The following SARDH variants were observed in gnomAD, a reference collection of about 807,000 sequenced individuals.
SARDH encodes sarcosine dehydrogenase, also known as sarcosine dehydrogenase, mitochondrial.
A neutral mutation model predicts 109.1 loss-of-function variants in SARDH; 95 were observed. That is an observed-to-expected ratio of 0.87 (90% CI 0.74 to 1.03). The LOEUF (loss-of-function observed/expected upper bound fraction) is 1.03. Among genes scored for constraint, SARDH ranks in the 50% least tolerant of loss-of-function variants. The probability of loss-of-function intolerance (pLI) is 0.00; values close to 1 mark genes in which losing one functional copy is unlikely to be tolerated. For synonymous variants in SARDH, 572 were observed against 534.8 expected (o/e 1.07, Z -0.96); for missense variants, 1,267 against 1,287.8 (o/e 0.98, Z 0.25).
intron 6 of SARDH, 53 bp downstream of exon 6, chr9:133,729,712 C>T: frequency 6.6e-7 from 1 of 1,518,374 alleles, no homozygotes; most frequent in Non-Finnish European, 9.0e-7. Context: ...GATTCAGAGC[C>T]AGGTCTCTGT....
intron 11 of SARDH, among the ~76,000 whole-genome samples, chr9:133,705,592 G>T (rs1831666302): frequency 1.3e-5 from 2 of 148,262 alleles, no homozygotes; most frequent in South Asian, 4.3e-4. Flanking sequence ...TCCCCTATCT[G>T]CCCTCATCCT....
chr9:133,677,426 A>G (rs1830555330), intron 17 of SARDH, among the ~76,000 whole-genome samples: 1 of 152,110 alleles, frequency 6.6e-6, no homozygotes, highest in Admixed American at 6.5e-5. Context: ...TGAGGGTCGG[A>G]CCAGAGCAGA....
chr9:133,702,836 G>A, intron 13 of SARDH, 80 bp downstream of exon 13: 3 of 1,335,850 alleles, frequency 2.2e-6, no homozygotes, highest in South Asian at 1.2e-5. Context: ...CCCCTGCAGG[G>A]CCAGCCGAGG....
At chr9:133,719,188 A>C in intron 6 of SARDH, 146 bp from the exon 7 acceptor site, 1 of 640,446 alleles carries the variant, frequency 1.6e-6, no homozygotes, top group Non-Finnish European at 2.8e-6. Context: ...GACAGAGTGG[A>C]CACGGGGCCT....
At position 133,723,216 on chromosome 9, in the gene SARDH, A is replaced by G. The variant is rs139453798; in HGVS notation, c.916-4174T>C. On this transcript the variant is annotated intron_variant, in intron 6 of 20. Coordinates refer to ENST00000439388, the MANE Select transcript of SARDH (RefSeq NM_001134707.2). Reference sequence around the variant, plus strand: ...TAAGCTGACAACACACCCCAAATTGATCCATAGCTTCAACACAATGCCTGT... The same window carrying G: ...TAAGCTGACAACACACCCCAAATTGGTCCATAGCTTCAACACAATGCCTGT... Among the ~76,000 whole-genome samples the G allele has an allele frequency of 4.2e-3, 635 of 152,264 alleles. 8 individuals are homozygous for G. The highest frequency in any genetic ancestry group is 0.015 in the African/African-American group (603 of 41,552).
chr9:133,710,336 G>C (rs571504781), intron 10 of SARDH, among the ~76,000 whole-genome samples: 102 of 152,376 alleles, frequency 6.7e-4, no homozygotes, highest in African/African-American at 2.4e-3. Context: ...CCTCTTATCT[G>C]ATTTCAAAAG....
chr9:133,726,154 G>A (rs900033707), intron 6 of SARDH, among the ~76,000 whole-genome samples: 2 of 151,880 alleles, frequency 1.3e-5, no homozygotes, highest in Non-Finnish European at 2.9e-5. Context: ...CAGGAGGATC[G>A]CTTGAGCAGT....
rs539774555 is a variant in SARDH, at chr9:133,728,243, C to T, written c.915+1522G>A. 8.5e-5 allele frequency among the ~76,000 whole-genome samples: 13 copies of T among 152,278 alleles called. No individual in the cohort carries two copies. The highest frequency in any genetic ancestry group is 1.9e-4 in the East Asian group (1 of 5,184). On this transcript the variant is annotated intron_variant, in intron 6 of 20. Coordinates refer to ENST00000439388, the MANE Select transcript of SARDH (RefSeq NM_001134707.2). This position sits in a 1 kb window ranked among gnomAD's most constrained non-coding sequence, Gnocchi z 5.0. Reference sequence around the variant, plus strand: ...CAGCAGCGCACTGGGACCCAGGTTCCGGCCCCATTTCGCCACCCGCTTCAC... The same window carrying T: ...CAGCAGCGCACTGGGACCCAGGTTCTGGCCCCATTTCGCCACCCGCTTCAC...
At chr9:133,659,699 C>T (rs1023808772), downstream of SARDH, among the ~76,000 whole-genome samples, 5 of 152,190 alleles carry the variant, frequency 3.3e-5, no homozygotes, top group Non-Finnish European at 5.9e-5. Flanking sequence ...GTCACGAGCC[C>T]AGGAGCTCTG....
At position 133,736,987 on chromosome 9, in the gene SARDH, A is replaced by G. The variant is rs114619112; in HGVS notation, c.-31+1267T>C. Among the ~76,000 whole-genome samples, 541 of 152,346 alleles carry G rather than the reference A, an allele frequency of 3.6e-3. 3 individuals carry two copies. The highest frequency in any genetic ancestry group is 0.012 in the African/African-American group (502 of 41,576). On this transcript the variant is annotated intron_variant, in intron 1 of 20. Transcript: ENST00000439388. ...CCTATAGACACATGATAATGTCTCT[A>G]CTTCACAGCGGGGGAGTCTGACACA...
At chr9:133,676,713 G>A (rs1228610853) in intron 17 of SARDH, among the ~76,000 whole-genome samples, 3 of 152,188 alleles carry the variant, frequency 2.0e-5, no homozygotes, top group African/African-American at 7.2e-5. Flanking sequence ...GAGACCGGGG[G>A]GAAAGGCGGT....
Position 133,707,966 on chromosome 9 carries a change from G to A in SARDH, c.1470+321C>T, listed in dbSNP as rs368665539. 2.4e-4 allele frequency among the ~76,000 whole-genome samples: 36 copies of A among 152,210 alleles called. No homozygotes were observed. In the East Asian group the frequency reaches 6.2e-3, roughly 26 times the overall value. On this transcript the variant is annotated intron_variant, in intron 11 of 20. Transcript: ENST00000439388. ...GGCTGCATACACCCACCAAGACCCC[G>A]CCCCCAGGACCCCTGCCCTGTTGGC...
rs1831050013 is a variant in SARDH, at chr9:133,690,457, C to A, written c.1992G>T (p.Leu664=). ...GCTGGCACTGGGACTTCTGGTCCTGCAGCACGGTGGTGATGTGGGACCAGT... is the reference window on the plus strand; with the variant it reads ...GCTGGCACTGGGACTTCTGGTCCTGAAGCACGGTGGTGATGTGGGACCAGT... ...QHNWSHITTV[L]QDQKSQCQLI... is the part of the protein sequence containing the mutation. Residue 664 remains leucine, a synonymous_variant, in exon 16 of 21, where the codon CTG becomes CTT. Coordinates refer to ENST00000439388, the MANE Select transcript of SARDH (RefSeq NM_001134707.2). The A allele has an allele frequency of 6.2e-7, 1 of 1,612,604 alleles. No homozygotes were observed. Among genetic ancestry groups the A allele is most frequent in the Non-Finnish European group, 8.5e-7 (1 of 1,179,946 alleles).
chr9:133,698,349 T>C (rs1359982479), intron 13 of SARDH, among the ~76,000 whole-genome samples: 1 of 152,220 alleles, frequency 6.6e-6, no homozygotes, highest in East Asian at 1.9e-4. Flanking sequence ...ATACCCCAAA[T>C]TGATCTACAG....
chr9:133,687,141 A>G (rs129901), intron 16 of SARDH, among the ~76,000 whole-genome samples: 64,414 of 152,064 alleles, frequency 0.42, 14,656 homozygotes, highest in African/African-American at 0.6. Flanking sequence ...CTGTGATGCC[A>G]CGGGCCACTG....
chr9:133,661,873 A>G (rs1326603188), downstream of SARDH, among the ~76,000 whole-genome samples: 3 of 152,194 alleles, frequency 2.0e-5, no homozygotes, highest in Admixed American at 1.3e-4. Flanking sequence ...TCCAGAAAAA[A>G]AATTTAAAAA....
chr9:133,692,551 C>T lies in SARDH; in HGVS notation c.1921+1707G>A, dbSNP rs1831136912. Among the ~76,000 whole-genome samples, 1 of 152,162 alleles carries T rather than the reference C, an allele frequency of 6.6e-6. No homozygotes were observed. On this transcript the variant is annotated intron_variant, in intron 15 of 20. Transcript: ENST00000439388. The surrounding 1 kb of genome is among the most constrained non-coding windows in gnomAD (Gnocchi z 5.0). ...CGGCCCTCTCCTCCAGGAAGCCTTG[C>T]TCATCCCGGCTCGGCGGCTTCACAT...
At chr9:133,722,640 G>GCTCT (rs1491335172) in intron 6 of SARDH, among the ~76,000 whole-genome samples, 140 of 98,884 alleles carry the variant, frequency 1.4e-3, no homozygotes, top group African/African-American at 5.3e-3. Context: ...AAAACTACTA[G>GCTCT]CGCTCTCTCT....
chr9:133,697,995 C>A (rs375226007), intron 13 of SARDH, among the ~76,000 whole-genome samples: 4 of 91,974 alleles, frequency 4.3e-5, no homozygotes, highest in African/African-American at 1.2e-4. Context: ...TATAGGAAAT[C>A]CTAAGGAATC....
Sources: gnomAD v4.1 joint callset for allele counts (sites outside exome capture counted in the v4.1 genomes callset) on GRCh38, gnomAD v4.1.1 for gene constraint, Gnocchi (gnomAD v3.1) non-coding constraint, MANE v1.5 for transcripts, NCBI Gene and HGNC (gene_info 2026-07-23, HGNC 2026-07-21) for gene names.